Variants in COL4A2 observed in about 807,000 individuals in gnomAD.
COL4A2 encodes collagen alpha-2(IV) chain.
Under a neutral mutation model 200.2 loss-of-function variants are expected in COL4A2, and 99 were observed. The ratio of observed to expected loss-of-function variants is 0.49; its 90% CI spans 0.42 to 0.58. COL4A2 has a LOEUF of 0.58. Ranked by LOEUF, COL4A2 falls within the 20% of genes least tolerant of loss-of-function variation. The probability of loss-of-function intolerance (pLI) is 0.00; values close to 1 mark genes in which losing one functional copy is unlikely to be tolerated. For missense variants in COL4A2, 1,950 were observed against 2,314.1 expected (o/e 0.84, Z 3.23); for synonymous variants, 897 against 900.6 (o/e 1.00, Z 0.07).
At chr13:110,499,028 T>C (rs1164478298) in intron 40 of COL4A2, among the ~76,000 whole-genome samples, 6 of 152,246 alleles carry the variant, frequency 3.9e-5, no homozygotes, top group Non-Finnish European at 2.9e-5. Flanking sequence ...CCATTGGGCC[T>C]TGGCATATGA....
intron 4 of COL4A2, among the ~76,000 whole-genome samples, chr13:110,418,338 C>T (rs745539770): frequency 9.9e-5 from 15 of 152,186 alleles, no homozygotes; most frequent in Middle Eastern, 3.2e-3. Flanking sequence ...TTATTTTTAA[C>T]TGTATCTTTT....
At chr13:110,362,537 T>C (rs1877565551) in intron 4 of COL4A2, among the ~76,000 whole-genome samples, 2 of 151,980 alleles carry the variant, frequency 1.3e-5, no homozygotes, top group African/African-American at 2.4e-5. Context: ...CCCAGTCTGG[T>C]CTTGAACTCC....
intron 27 of COL4A2, among the ~76,000 whole-genome samples, chr13:110,467,786 A>T (rs1483559405): frequency 6.6e-6 from 1 of 152,210 alleles, no homozygotes; most frequent in Non-Finnish European, 1.5e-5. Context: ...CTCAAGCAGG[A>T]GGAGGGCTGG....
At chr13:110,510,674 T>C (rs1884054618) in intron 47 of COL4A2, among the ~76,000 whole-genome samples, 3 of 152,170 alleles carry the variant, frequency 2.0e-5, no homozygotes. Flanking sequence ...GTACACCATG[T>C]GTGTGCATGT....
At chr13:110,372,620 T>G (rs776817252) in intron 4 of COL4A2, among the ~76,000 whole-genome samples, 9 of 152,246 alleles carry the variant, frequency 5.9e-5, no homozygotes, top group Non-Finnish European at 8.8e-5. Flanking sequence ...TCTCTTCTCC[T>G]GTTGCCAAGA....
At chr13:110,375,849 G>T (rs1878216017) in intron 4 of COL4A2, among the ~76,000 whole-genome samples, 1 of 151,994 alleles carries the variant, frequency 6.6e-6, no homozygotes, top group Non-Finnish European at 1.5e-5. Flanking sequence ...AAAATTGACA[G>T]AGAAAATCAT....
intron 4 of COL4A2, among the ~76,000 whole-genome samples, chr13:110,379,915 C>G (rs1878394346): frequency 6.6e-6 from 1 of 152,236 alleles, no homozygotes; most frequent in South Asian, 2.1e-4. Flanking sequence ...GCTGACCCTC[C>G]TCCACCTGCC....
Position 110,491,345 on chromosome 13 carries a change from A to T in COL4A2, c.3454+5A>T. The T allele has an allele frequency of 6.4e-7, 1 of 1,557,976 alleles. No homozygotes were observed. On this transcript the variant is annotated splice_donor_5th_base_variant and intron_variant, in intron 37 of 47. Coordinates refer to ENST00000360467, the MANE Select transcript of COL4A2 (RefSeq NM_001846.4). Reference sequence around the variant, plus strand: ...CTGGACTTAAAGGACAAACAGGTAAAATCTCCCGCAGCCACACAGCCTTCC... The same window carrying T: ...CTGGACTTAAAGGACAAACAGGTAATATCTCCCGCAGCCACACAGCCTTCC...
intron 12 of COL4A2, among the ~76,000 whole-genome samples, chr13:110,435,016 G>A (rs574400331): frequency 6.6e-4 from 101 of 152,308 alleles, no homozygotes; most frequent in Admixed American, 4.5e-3. Flanking sequence ...GTCCCATTGC[G>A]TTCACCACAA....
At chr13:110,308,831 G>A (rs1422304357) in intron 3 of COL4A2, among the ~76,000 whole-genome samples, 1 of 152,214 alleles carries the variant, frequency 6.6e-6, no homozygotes, top group African/African-American at 2.4e-5. Context: ...TGTTTAAAGA[G>A]TAGGAGCCAC....
Position 110,307,922 on chromosome 13 carries a change from G to C in COL4A2, c.19G>C (p.Ala7Pro). 1 of 1,612,890 alleles carries C rather than the reference G, an allele frequency of 6.2e-7. No homozygotes were observed. The highest frequency in any genetic ancestry group is 8.5e-7 in the Non-Finnish European group (1 of 1,179,700). ...CGCCAGCATGGGGAGAGACCAGCGCGCGGTGGCCGGCCCTGCCCTACGGCG... is the reference window on the plus strand; with the variant it reads ...CGCCAGCATGGGGAGAGACCAGCGCCCGGTGGCCGGCCCTGCCCTACGGCG... MGRDQRAVAGPALRRWL... is the reference protein window; with the variant it reads MGRDQRPVAGPALRRWL... Residue 7 changes from alanine to proline, a missense_variant, in exon 2 of 48, where the codon GCG (alanine) becomes CCG (proline). By Grantham distance (27) the Ala-to-Pro change is conservative. Around this residue, in one of 2 missense-constraint regions of COL4A2, gnomAD observed 565 missense variants for 593.5 expected, o/e 0.95. Transcript: ENST00000360467. The surrounding 1 kb of genome is among the most constrained non-coding windows in gnomAD (Gnocchi z 5.0).
At chr13:110,506,711 G>A in intron 46 of COL4A2, 105 bp downstream of exon 46, 1 of 1,198,338 alleles carries the variant, frequency 8.3e-7, no homozygotes, top group Non-Finnish European at 1.1e-6. Flanking sequence ...CGGCTGGTAA[G>A]TTCCCCTGAC....
At chr13:110,371,531 C>T (rs1878007563) in intron 4 of COL4A2, among the ~76,000 whole-genome samples, 1 of 152,144 alleles carries the variant, frequency 6.6e-6, no homozygotes, top group African/African-American at 2.4e-5. Context: ...TATCTGAGAA[C>T]TTAAAATGAA....
chr13:110,412,407 G>A (rs1879878097), intron 4 of COL4A2, among the ~76,000 whole-genome samples: 1 of 152,184 alleles, frequency 6.6e-6, no homozygotes, highest in South Asian at 2.1e-4. Context: ...AGGGCCGGTG[G>A]ATGCTACTGC....
At chr13:110,379,421 G>A (rs1230747784) in intron 4 of COL4A2, among the ~76,000 whole-genome samples, 1 of 152,214 alleles carries the variant, frequency 6.6e-6, no homozygotes, top group African/African-American at 2.4e-5. Flanking sequence ...CTTCCATCTT[G>A]CAGCTCATTT....
At chr13:110,472,810 G>T (rs1347507357) in intron 28 of COL4A2, 119 bp from the exon 29 acceptor site, 9 of 804,172 alleles carry the variant, frequency 1.1e-5, no homozygotes, top group Non-Finnish European at 1.7e-5. Flanking sequence ...TCGAGCTGAG[G>T]AATGCCTTCT....
intron 11 of COL4A2, among the ~76,000 whole-genome samples, chr13:110,433,487 G>A (rs1880760457): frequency 6.6e-6 from 1 of 152,224 alleles, no homozygotes; most frequent in Non-Finnish European, 1.5e-5. Context: ...AATCCAGCCT[G>A]GCCGCGTTTC....
intron 4 of COL4A2, among the ~76,000 whole-genome samples, chr13:110,398,584 T>A (rs190525865): frequency 1.3e-5 from 2 of 152,248 alleles, no homozygotes; most frequent in East Asian, 3.9e-4. Context: ...TCACAGCTAC[T>A]TGGGAGGCTG....
At position 110,472,937 on chromosome 13, in the gene COL4A2, G is replaced by C; in HGVS notation, c.2212G>C (p.Gly738Arg). ...CCCATGTTTCCTTTTAGGGTTCATAGGACCCCGAGGATCCAAAGGTGCAGT... is the reference window on the plus strand; with the variant it reads ...CCCATGTTTCCTTTTAGGGTTCATACGACCCCGAGGATCCAAAGGTGCAGT... ...EGFPGPPGFI[G>R]PRGSKGAVGL... Residue 738 changes from glycine (G) to arginine (R), a missense_variant, in exon 29 of 48, where the codon GGA becomes CGA. Coordinates refer to ENST00000360467, the MANE Select transcript of COL4A2 (RefSeq NM_001846.4). 1 of 1,555,500 alleles carries C rather than the reference G, an allele frequency of 6.4e-7. No homozygotes were observed. Among genetic ancestry groups the C allele is most frequent in the Non-Finnish European group, 8.7e-7 (1 of 1,149,390 alleles).
Sources: gnomAD v4.1 joint callset for allele counts (sites outside exome capture counted in the v4.1 genomes callset) on GRCh38, gnomAD v4.1.1 for gene constraint, gnomAD v4.1.1 regional missense constraint, Gnocchi (gnomAD v3.1) non-coding constraint, MANE v1.5 for transcripts, NCBI Gene and HGNC (gene_info 2026-07-23, HGNC 2026-07-21) for gene names.